Variants in QRFPR observed in about 807,000 individuals in gnomAD.
QRFPR encodes the protein pyroglutamylated RFamide peptide receptor.
Under a neutral mutation model 31.3 loss-of-function variants are expected in QRFPR, and 37 were observed. That is an observed-to-expected ratio of 1.18 (90% CI 0.91 to 1.56). The LOEUF (loss-of-function observed/expected upper bound fraction) is 1.56, where lower values mean the gene tolerates loss of function less well. Among genes scored for constraint, QRFPR ranks in the 40% most tolerant of loss-of-function variants. QRFPR has a pLI of 0.00. For synonymous variants in QRFPR, 197 were observed against 192.0 expected (o/e 1.03, Z -0.22); for missense variants, 542 against 532.5 (o/e 1.02, Z -0.18).
intron 1 of QRFPR, among the ~76,000 whole-genome samples, chr4:121,378,593 G>GTTA (rs1363076313): frequency 1.5e-4 from 23 of 151,626 alleles, no homozygotes. Flanking sequence ...TTTTGTTGTT[G>GTTA]TTTGTATTTT....
intron 1 of QRFPR, among the ~76,000 whole-genome samples, chr4:121,356,293 C>A (rs925916384): frequency 6.6e-6 from 1 of 152,122 alleles, no homozygotes; most frequent in African/African-American, 2.4e-5. Flanking sequence ...TGTTAAATTT[C>A]TCTGATACAA....
rs70950816 is a variant in QRFPR, at chr4:121,380,186, GGAGAGAGAGAGA to G, written c.340+110_340+121del. 1,642 of 235,422 alleles carry G rather than the reference GGAGAGAGAGAGA, an allele frequency of 7.0e-3. 6 individuals are homozygous for G. The highest frequency in any genetic ancestry group is 0.018 in the African/African-American group (245 of 13,348). The allele number at this position is 235,422 out of a possible 1,614,324, so 14.6% of individuals were successfully genotyped here. On this transcript the variant is annotated intron_variant, in intron 1 of 5. Coordinates refer to ENST00000394427, the MANE Select transcript of QRFPR (RefSeq NM_198179.3). ...GAGAGAGAGACAGACAGACGAGAGA[GGAGAGAGAGAGA>G]GAGAGAGAGAGAGAGAGAGAGAGAG...
intron 1 of QRFPR, among the ~76,000 whole-genome samples, chr4:121,349,628 T>A (rs1043061110): frequency 6.6e-6 from 1 of 152,002 alleles, no homozygotes; most frequent in Non-Finnish European, 1.5e-5. Context: ...TTCCTGAAAA[T>A]GAGATATTCT....
intron 1 of QRFPR, among the ~76,000 whole-genome samples, chr4:121,342,959 C>T (rs1579573749): frequency 6.6e-6 from 1 of 152,184 alleles, no homozygotes; most frequent in Non-Finnish European, 1.5e-5. Flanking sequence ...TGACAGAAGC[C>T]TTCATGTCAC....
Position 121,380,504 on chromosome 4 carries a change from G to C in QRFPR, c.144C>G (p.Leu48=). Residue 48 remains leucine, a synonymous_variant, in exon 1 of 6, where the codon CTC becomes CTG. Coordinates refer to ENST00000394427, the MANE Select transcript of QRFPR (RefSeq NM_198179.3). ...PELPGRAKLA[L]VLTGVLIFAL... ...CGAAGATGAGCACGCCGGTGAGCAC[G>C]AGGGCCAGCTTGGCGCGTCCCGGCA... The C allele has an allele frequency of 1.2e-6, 2 of 1,614,144 alleles. No homozygotes were observed. The highest frequency in any genetic ancestry group is 1.6e-4 in the Middle Eastern group (1 of 6,062).
chr4:121,365,551 ATATAT>A (rs1560743688), intron 1 of QRFPR, among the ~76,000 whole-genome samples: 338 of 3,590 alleles, frequency 0.094, 38 homozygotes, highest in South Asian at 0.19. Flanking sequence ...ATTATATATA[ATATAT>A]AATATATATT....
chr4:121,371,392 C>A (rs1726242567), intron 1 of QRFPR, among the ~76,000 whole-genome samples: 1 of 152,228 alleles, frequency 6.6e-6, no homozygotes. Context: ...TGAGAGGGAA[C>A]TGCCAATATC....
At chr4:121,339,764 A>C (rs747299174) in intron 2 of QRFPR, among the ~76,000 whole-genome samples, 2 of 152,074 alleles carry the variant, frequency 1.3e-5, no homozygotes, top group African/African-American at 4.8e-5. Context: ...GACCAGCCTG[A>C]GAAACATAGA....
At chr4:121,335,658 A>C (rs1206221198) in intron 3 of QRFPR, among the ~76,000 whole-genome samples, 1 of 152,032 alleles carries the variant, frequency 6.6e-6, no homozygotes, top group East Asian at 1.9e-4. Context: ...GAAACTGACC[A>C]TAACTCCTTC....
chr4:121,345,761 A>G (rs1725633275), intron 1 of QRFPR, among the ~76,000 whole-genome samples: 1 of 152,186 alleles, frequency 6.6e-6, no homozygotes, highest in Non-Finnish European at 1.5e-5. Context: ...TTTTGCTCTC[A>G]CTGAGAACAG....
intron 1 of QRFPR, among the ~76,000 whole-genome samples, chr4:121,348,834 A>T (rs958971329): frequency 6.6e-6 from 1 of 152,132 alleles, no homozygotes; most frequent in Non-Finnish European, 1.5e-5. Flanking sequence ...GCGATGGCTC[A>T]TGCCTATAAT....
At chr4:121,353,573 C>T (rs1290749010) in intron 1 of QRFPR, among the ~76,000 whole-genome samples, 2 of 151,852 alleles carry the variant, frequency 1.3e-5, no homozygotes, top group Non-Finnish European at 2.9e-5. Context: ...TGTTTATCTC[C>T]TATTAAACTG....
intron 1 of QRFPR, among the ~76,000 whole-genome samples, chr4:121,346,968 T>G (rs983417221): frequency 1.3e-5 from 2 of 152,188 alleles, no homozygotes; most frequent in Non-Finnish European, 2.9e-5. Context: ...ATAAGAGCTA[T>G]TCGTTTGCAA....
chr4:121,342,088 C>T (rs967031436), intron 1 of QRFPR, among the ~76,000 whole-genome samples: 10 of 152,192 alleles, frequency 6.6e-5, no homozygotes, highest in African/African-American at 2.4e-4. Flanking sequence ...AAGATCCTTC[C>T]TTCCTAGTGT....
intron 1 of QRFPR, among the ~76,000 whole-genome samples, chr4:121,358,859 G>A (rs1289232748): frequency 6.6e-6 from 1 of 152,172 alleles, no homozygotes; most frequent in African/African-American, 2.4e-5. Context: ...CCATGTGCTA[G>A]GTACTGATCT....
At chr4:121,337,727 A>T (rs1259580643) in intron 2 of QRFPR, among the ~76,000 whole-genome samples, 8 of 152,156 alleles carry the variant, frequency 5.3e-5, no homozygotes, top group Non-Finnish European at 8.8e-5. Flanking sequence ...ATAATAATAA[A>T]AAAAAAAGAA....
intron 1 of QRFPR, among the ~76,000 whole-genome samples, chr4:121,347,917 A>T (rs1725688431): frequency 2.0e-5 from 3 of 152,192 alleles, no homozygotes; most frequent in Admixed American, 2.0e-4. Flanking sequence ...CTTTATAGTC[A>T]AGATCCTTGT....
intron 1 of QRFPR, among the ~76,000 whole-genome samples, chr4:121,341,219 G>A (rs1011737208): frequency 3.9e-5 from 6 of 152,196 alleles, no homozygotes; most frequent in Admixed American, 6.5e-5. Context: ...ATATTTGAAT[G>A]TATTGTCAAT....
chr4:121,380,452 C>T lies in QRFPR; in HGVS notation c.196G>A (p.Val66Met), dbSNP rs185390168. Reference protein sequence around the residue: ...FALALFGNALVFYVVTRSKAM... With the variant: ...FALALFGNALMFYVVTRSKAM... ...TTGCTGCGGGTCACCACGTAGAACACCAGAGCATTGCCAAAGAGCGCCAGG... is the reference window on the plus strand; with the variant it reads ...TTGCTGCGGGTCACCACGTAGAACATCAGAGCATTGCCAAAGAGCGCCAGG... Residue 66 changes from valine (V) to methionine (M), a missense_variant, in exon 1 of 6, where the codon GTG (valine) becomes ATG (methionine). By Grantham distance (21) the Val-to-Met change is conservative (BLOSUM62 1). Coordinates refer to ENST00000394427, the MANE Select transcript of QRFPR (RefSeq NM_198179.3). 1 of 1,614,082 alleles carries T rather than the reference C, an allele frequency of 6.2e-7. No homozygotes were observed. Among genetic ancestry groups the T allele is most frequent in the Non-Finnish European group, 8.5e-7 (1 of 1,180,030 alleles).
Sources: allele counts gnomAD v4.1 joint callset (sites outside exome capture counted in the v4.1 genomes callset), GRCh38; gene constraint gnomAD v4.1.1; transcripts MANE v1.5; gene names NCBI Gene and HGNC (gene_info 2026-07-23, HGNC 2026-07-21).